CCDC178: variants seen among roughly 807,000 people sequenced by gnomAD.
CCDC178 encodes coiled-coil domain containing 178.
CCDC178 carries 126 observed loss-of-function variants against 117.4 expected under a neutral mutation model. The ratio of observed to expected loss-of-function variants is 1.07; its 90% CI spans 0.93 to 1.24. The LOEUF is 1.24. CCDC178 is among the 50% of genes most tolerant of loss of function. CCDC178 has a pLI of 0.00. For synonymous variants in CCDC178, 283 were observed against 313.4 expected (o/e 0.90, Z 1.02); for missense variants, 1,030 against 986.9 (o/e 1.04, Z -0.59).
At chr18:33,126,433 A>T (rs1467716552) in intron 20 of CCDC178, among the ~76,000 whole-genome samples, 1 of 149,026 alleles carries the variant, frequency 6.7e-6, no homozygotes, top group Non-Finnish European at 1.5e-5. Context: ...TATATAATAC[A>T]TGTAATATAT....
At chr18:32,952,675 T>C (rs905568305) in intron 22 of CCDC178, among the ~76,000 whole-genome samples, 1 of 152,242 alleles carries the variant, frequency 6.6e-6, no homozygotes, top group Non-Finnish European at 1.5e-5. Flanking sequence ...CATTTGGCTC[T>C]TCATTACTTA....
chr18:33,429,982 A>C (rs1285863089), intron 2 of CCDC178, among the ~76,000 whole-genome samples: 1 of 152,182 alleles, frequency 6.6e-6, no homozygotes, highest in East Asian at 1.9e-4. Context: ...TTTTCAATGC[A>C]AGTTTAGTAT....
At chr18:33,038,551 C>T (rs962633665) in intron 21 of CCDC178, among the ~76,000 whole-genome samples, 1 of 151,920 alleles carries the variant, frequency 6.6e-6, no homozygotes, top group African/African-American at 2.4e-5. Context: ...TGTAGAACAA[C>T]AAAAACTTAG....
chr18:33,360,348 C>G (rs1022323971), intron 6 of CCDC178, among the ~76,000 whole-genome samples: 3 of 150,736 alleles, frequency 2.0e-5, no homozygotes, highest in African/African-American at 7.3e-5. Context: ...GGGAACAACC[C>G]AAATGACTAT....
chr18:33,110,368 T>C (rs1251293679), intron 20 of CCDC178, among the ~76,000 whole-genome samples: 1 of 151,662 alleles, frequency 6.6e-6, no homozygotes, highest in African/African-American at 2.4e-5. Flanking sequence ...CAATGGTGTC[T>C]TTTGATGAAT....
In CCDC178 at chr18:33,172,352, C is replaced by T. The variant is rs540516776; in HGVS notation, c.2238+39544G>A. On this transcript the variant is annotated intron_variant, in intron 20 of 22. Coordinates refer to ENST00000383096, the MANE Select transcript of CCDC178 (RefSeq NM_001105528.4). ...CTGGAAAATGTATAATTCAGATAGC[C>T]TTAAAATACAATCATTATATATTTA... 5.9e-5 allele frequency among the ~76,000 whole-genome samples: 9 copies of T among 151,980 alleles called. No individual in the cohort carries two copies. The South Asian group carries it at 1.9e-3, about 32-fold the overall frequency.
intron 12 of CCDC178, among the ~76,000 whole-genome samples, chr18:33,274,837 A>C (rs2059928802): frequency 6.6e-6 from 1 of 152,074 alleles, no homozygotes; most frequent in Non-Finnish European, 1.5e-5. Flanking sequence ...GGCTTACTAA[A>C]TGAAGTTATG....
intron 2 of CCDC178, among the ~76,000 whole-genome samples, chr18:33,434,436 T>C (rs1392212589): frequency 1.3e-5 from 2 of 152,164 alleles, no homozygotes; most frequent in African/African-American, 2.4e-5. Context: ...ATTTTATACA[T>C]GATTTCATGG....
intron 20 of CCDC178, among the ~76,000 whole-genome samples, chr18:33,159,140 T>C (rs531612289): frequency 3.2e-4 from 48 of 152,192 alleles, no homozygotes; most frequent in Middle Eastern, 6.8e-3. Context: ...AGTTATACAT[T>C]TTTGGGCCAT....
At chr18:33,193,086 C>T (rs2058881148) in intron 20 of CCDC178, among the ~76,000 whole-genome samples, 2 of 149,638 alleles carry the variant, frequency 1.3e-5, no homozygotes, top group Admixed American at 6.7e-5. Flanking sequence ...GGTGAAACCC[C>T]GTCTCTACTA....
chr18:33,275,323 A>C (rs990518048), intron 12 of CCDC178, among the ~76,000 whole-genome samples: 5 of 151,990 alleles, frequency 3.3e-5, no homozygotes, highest in Non-Finnish European at 7.4e-5. Flanking sequence ...TGAAAAACAT[A>C]CTTAGTTCTA....
intron 6 of CCDC178, among the ~76,000 whole-genome samples, chr18:33,366,180 A>G (rs1220013775): frequency 1.3e-5 from 2 of 152,024 alleles, no homozygotes; most frequent in Non-Finnish European, 2.9e-5. Flanking sequence ...ATTTTATCTA[A>G]TGGGCCTCAG....
At chr18:33,305,554 G>A (rs184099964) in intron 11 of CCDC178, among the ~76,000 whole-genome samples, 2,437 of 152,254 alleles carry the variant, frequency 0.016, 62 homozygotes, top group African/African-American at 0.056. Flanking sequence ...CCTAAGGGCT[G>A]ACACTCTAGA....
intron 4 of CCDC178, among the ~76,000 whole-genome samples, chr18:33,391,540 C>CA (rs1034553076): frequency 5.3e-5 from 8 of 151,884 alleles, no homozygotes; most frequent in African/African-American, 1.9e-4. Flanking sequence ...GACAACAATT[C>CA]AAAAAAGTTT....
intron 21 of CCDC178, among the ~76,000 whole-genome samples, chr18:32,979,655 G>A (rs1173488486): frequency 1.3e-5 from 2 of 152,158 alleles, no homozygotes; most frequent in Non-Finnish European, 2.9e-5. Flanking sequence ...TGAGAAAAGA[G>A]TGTCATGGAC....
At chr18:33,129,079 A>G (rs962596419) in intron 20 of CCDC178, among the ~76,000 whole-genome samples, 5 of 152,110 alleles carry the variant, frequency 3.3e-5, no homozygotes, top group Non-Finnish European at 5.9e-5. Context: ...CCCATAACCA[A>G]TAGTGGTCAG....
chr18:32,998,769 G>A (rs2055569782), intron 21 of CCDC178, among the ~76,000 whole-genome samples: 2 of 152,084 alleles, frequency 1.3e-5, no homozygotes, highest in Non-Finnish European at 2.9e-5. Context: ...ACCTCATCCT[G>A]GCAGGATTCA....
At chr18:33,149,617 T>G (rs930961641) in intron 20 of CCDC178, among the ~76,000 whole-genome samples, 8 of 152,138 alleles carry the variant, frequency 5.3e-5, no homozygotes, top group African/African-American at 1.9e-4. Flanking sequence ...AGTAGAGGAA[T>G]AAGTGAAGGG....
At chr18:32,953,662 C>T (rs1324830666) in intron 22 of CCDC178, among the ~76,000 whole-genome samples, 1 of 152,162 alleles carries the variant, frequency 6.6e-6, no homozygotes, top group African/African-American at 2.4e-5. Context: ...AAATGTTACA[C>T]TTAATAACAA....
Sources: gnomAD v4.1 joint callset for allele counts (sites outside exome capture counted in the v4.1 genomes callset) on GRCh38, gnomAD v4.1.1 for gene constraint, MANE v1.5 for transcripts, NCBI Gene and HGNC (gene_info 2026-07-23, HGNC 2026-07-21) for gene names.